The following TAF15 variants were observed in gnomAD, a reference collection of about 807,000 sequenced individuals.
TAF15 encodes the protein TATA-binding protein-associated factor 2N.
Under a neutral mutation model 102.5 loss-of-function variants are expected in TAF15, and 37 were observed. The ratio of observed to expected loss-of-function variants is 0.36; its 90% confidence interval spans 0.28 to 0.47. The LOEUF is 0.47. TAF15 is among the 20% of genes least tolerant of loss of function. The probability of loss-of-function intolerance (pLI) is 0.99; values close to 1 mark genes in which losing one functional copy is unlikely to be tolerated. For synonymous variants in TAF15, 273 were observed against 259.2 expected (o/e 1.05, Z -0.51); for missense variants, 652 against 760.7 (o/e 0.86, Z 1.68).
chr17:35,840,269 T>G (rs1475491503), intron 11 of TAF15, among the ~76,000 whole-genome samples: 1 of 145,152 alleles, frequency 6.9e-6, no homozygotes, highest in Non-Finnish European at 1.5e-5. Flanking sequence ...TTTTTTTTTT[T>G]GAGACTGAGT....
At chr17:35,828,390 AT>A (rs1391764558) in intron 7 of TAF15, among the ~76,000 whole-genome samples, 1 of 152,224 alleles carries the variant, frequency 6.6e-6, no homozygotes, top group Admixed American at 6.5e-5. Flanking sequence ...AAATGAGAAA[AT>A]CTATTTAACT....
chr17:35,836,738 GA>G (rs1385590177), intron 10 of TAF15, among the ~76,000 whole-genome samples: 1 of 151,790 alleles, frequency 6.6e-6, no homozygotes, highest in African/African-American at 2.4e-5. Flanking sequence ...ACAGTTTCTT[GA>G]AATCAGTTTA....
chr17:35,845,164 G>A, intron 15 of TAF15, 126 bp downstream of exon 15: 1 of 1,232,688 alleles, frequency 8.1e-7, no homozygotes, highest in Non-Finnish European at 1.2e-6. Flanking sequence ...GGATGGAGAA[G>A]ATGATTTAGT....
At chr17:35,826,447 C>T (rs1039899447) in intron 7 of TAF15, among the ~76,000 whole-genome samples, 2 of 152,146 alleles carry the variant, frequency 1.3e-5, no homozygotes, top group African/African-American at 4.8e-5. Flanking sequence ...TGTAACTATT[C>T]ATCTCTGCCC....
intron 15 of TAF15, among the ~76,000 whole-genome samples, chr17:35,846,298 C>T (rs1349179531): frequency 6.6e-6 from 1 of 152,178 alleles, no homozygotes; most frequent in Non-Finnish European, 1.5e-5. Flanking sequence ...AATAAGACGT[C>T]CTTTTTAGAC....
chr17:35,840,845 C>T (rs184878155), intron 11 of TAF15, among the ~76,000 whole-genome samples: 116 of 151,824 alleles, frequency 7.6e-4, no homozygotes, highest in Non-Finnish European at 1.3e-3. Context: ...GCCTGGGTGA[C>T]GCACAGCAAG....
At chr17:35,810,421 C>A (rs1239454910) in intron 1 of TAF15, 2 of 152,260 alleles carry the variant, frequency 1.3e-5, no homozygotes, top group Admixed American at 1.3e-4. Flanking sequence ...CTCTTCAGGA[C>A]AACCAGTTTG....
At chr17:35,836,841 G>A (rs1219530004) in intron 10 of TAF15, among the ~76,000 whole-genome samples, 3 of 150,872 alleles carry the variant, frequency 2.0e-5, no homozygotes, top group Admixed American at 6.6e-5. Flanking sequence ...GCAGTGGCGC[G>A]ATGTCGGCTC....
intron 7 of TAF15, among the ~76,000 whole-genome samples, chr17:35,832,718 T>A (rs1401282937): frequency 6.6e-6 from 1 of 152,192 alleles, no homozygotes; most frequent in Non-Finnish European, 1.5e-5. Flanking sequence ...AGCATATGAA[T>A]CTTAAAGGAT....
intron 5 of TAF15, among the ~76,000 whole-genome samples, chr17:35,821,038 A>G (rs1598524186): frequency 6.6e-6 from 1 of 152,288 alleles, no homozygotes; most frequent in Middle Eastern, 3.4e-3. Context: ...GCATTCTCTA[A>G]TGTGATTGAT....
chr17:35,811,276 A>G (rs750317970), intron 1 of TAF15: 53 of 152,262 alleles, frequency 3.5e-4, no homozygotes, highest in Non-Finnish European at 7.1e-4. Flanking sequence ...TCATATAAGC[A>G]TATAAGCTGG....
intron 7 of TAF15, among the ~76,000 whole-genome samples, chr17:35,827,193 G>A (rs112060594): frequency 0.038 from 5,760 of 151,988 alleles, 198 homozygotes; most frequent in South Asian, 0.17. Flanking sequence ...AAAATTAGCC[G>A]GGTGTGGTGG....
At chr17:35,815,605 C>T (rs1038466595) in intron 1 of TAF15, among the ~76,000 whole-genome samples, 2 of 152,232 alleles carry the variant, frequency 1.3e-5, no homozygotes, top group East Asian at 1.9e-4. Context: ...AAATATGCTG[C>T]GATTATGTAT....
Position 35,809,495 on chromosome 17 carries a change from G to C in TAF15, c.-75G>C. 2.5e-6 allele frequency: 4 copies of C among 1,605,862 alleles called. No individual in the cohort carries two copies. The South Asian group carries it at 3.3e-5, about 13-fold the overall frequency. ...GCCGCGCCGCCCTCAGTACAGCTCC[G>C]GCCGCCGCGCCGCCTGGCTTTCGTA... On this transcript the variant is annotated 5_prime_UTR_variant, in exon 1 of 16. Transcript: ENST00000605844.
intron 1 of TAF15, among the ~76,000 whole-genome samples, chr17:35,815,654 T>C (rs2087186584): frequency 1.3e-5 from 2 of 152,236 alleles, no homozygotes; most frequent in African/African-American, 4.8e-5. Flanking sequence ...CTTCAGGATA[T>C]AGTTTAACCT....
chr17:35,846,984 A>C lies in TAF15; in HGVS notation c.*39A>C. 6.2e-7 allele frequency: 1 copy of C among 1,604,844 alleles called. No individual in the cohort carries two copies. Among genetic ancestry groups the C allele is most frequent in the East Asian group, 2.3e-5 (1 of 44,354 alleles). On this transcript the variant is annotated 3_prime_UTR_variant, in exon 16 of 16. Transcript: ENST00000605844. The stretch of plus-strand genomic sequence containing the variant: ...TGTTCCTTTGTCTCTGACATGATCC[A>C]TAGTGAAATTGCCAGAGTTTTGCCT...
intron 11 of TAF15, among the ~76,000 whole-genome samples, chr17:35,841,377 T>C (rs2087541049): frequency 1.3e-5 from 2 of 152,230 alleles, no homozygotes; most frequent in Non-Finnish European, 2.9e-5. Flanking sequence ...GTACCATACT[T>C]CACATATTCT....
chr17:35,821,701 T>C (rs1274434911), intron 5 of TAF15, among the ~76,000 whole-genome samples: 1 of 152,202 alleles, frequency 6.6e-6, no homozygotes, highest in Non-Finnish European at 1.5e-5. Context: ...TACAGTAATA[T>C]TGTTCTGAAG....
intron 7 of TAF15, among the ~76,000 whole-genome samples, chr17:35,832,558 C>T (rs2087420206): frequency 6.6e-6 from 1 of 151,854 alleles, no homozygotes; most frequent in African/African-American, 2.4e-5. Flanking sequence ...CTCCCCCCAC[C>T]CCCCATAAGA....
Sources: allele counts gnomAD v4.1 joint callset (sites outside exome capture counted in the v4.1 genomes callset), GRCh38; gene constraint gnomAD v4.1.1; transcripts MANE v1.5; gene names NCBI Gene and HGNC (gene_info 2026-07-23, HGNC 2026-07-21).